Variants in CYP26C1 observed in about 807,000 individuals in gnomAD.
CYP26C1 encodes the protein cytochrome P450 family 26 subfamily C member 1, also known as cytochrome P450 26C1.
A neutral mutation model predicts 39.1 loss-of-function variants in CYP26C1; 41 were observed. The ratio of observed to expected loss-of-function variants is 1.05; its 90% CI spans 0.82 to 1.36. The LOEUF (loss-of-function observed/expected upper bound fraction) is 1.36, where lower values mean the gene tolerates loss of function less well. Ranked by LOEUF, CYP26C1 falls within the 40% of genes most tolerant of loss-of-function variation. CYP26C1 has a pLI of 0.00. For synonymous variants in CYP26C1, 362 were observed against 350.8 expected, an observed-to-expected ratio of 1.03 and a Z score of -0.36; for missense variants, 833 against 752.0, an observed-to-expected ratio of 1.11 and a Z score of -1.26.
chr10:93,066,265 C>G lies in CYP26C1; in HGVS notation c.1171C>G (p.Leu391Val). The part of the protein sequence containing the change: ...PPVSGGYRTA[L>V]RTFELDGYQI... ...AGTGTCCGGGGGCTACCGCACCGCC[C>G]TGCGCACCTTCGAGCTCGACGTAAG... is the stretch of plus-strand genomic sequence containing the variant. Residue 391 changes from leucine to valine, a missense_variant, in exon 5 of 6, where the codon CTG becomes GTG. Coordinates refer to ENST00000651965, the MANE Select transcript of CYP26C1 (RefSeq NM_183374.3). 1 of 1,434,644 alleles carries G rather than the reference C, an allele frequency of 7.0e-7. No homozygotes were observed. 88.9% of individuals were successfully genotyped at this position (1,434,644 alleles called of 1,614,324 possible). A position where few individuals can be genotyped will look rare whatever the true frequency, so the allele number is the denominator to read the frequency against.
chr10:93,064,033 A>C (rs1846784066), intron 3 of CYP26C1: 2 of 1,082,228 alleles, frequency 1.8e-6, no homozygotes, highest in Non-Finnish European at 2.2e-6. Context: ...CAATGGGCTG[A>C]CCCTAGCCGC....
chr10:93,067,892 G>T (rs1846846694), intron 5 of CYP26C1, among the ~76,000 whole-genome samples: 1 of 152,196 alleles, frequency 6.6e-6, no homozygotes, highest in Non-Finnish European at 1.5e-5. Flanking sequence ...TCGAGGAATT[G>T]TCATGTGCAT....
Position 93,066,251 on chromosome 10 carries a change from GC to G in CYP26C1, c.1158del (p.Tyr387ThrfsTer21). The G allele has an allele frequency of 6.8e-7, 1 of 1,463,822 alleles. No homozygotes were observed. The highest frequency in any genetic ancestry group is 2.7e-5 in the East Asian group (1 of 36,542). 90.7% of individuals were successfully genotyped at this position (1,463,822 alleles called of 1,614,324 possible). A position where few individuals can be genotyped will look rare whatever the true frequency, so the allele number is the denominator to read the frequency against. ...CGCCTCCTGCCGCCAGTGTCCGGGG[GC>G]TACCGCACCGCCCTGCGCACCTTCG... ...VLRLLPPVSGGYRTALRTFEL... is the reference protein window; with the variant it reads ...VLRLLPPVSGXYRTALRTFEL... On this transcript the variant is annotated frameshift_variant, in exon 5 of 6. Coordinates refer to ENST00000651965, the MANE Select transcript of CYP26C1 (RefSeq NM_183374.3). LOFTEE classifies it high-confidence loss of function.
chr10:93,062,744 G>T lies in CYP26C1; in HGVS notation c.454G>T (p.Ala152Ser), dbSNP rs897972328. The change falls in exon 3 of 6, where the codon GCC (alanine) becomes TCC (serine). Residue 152 changes from alanine to serine, a missense_variant. Coordinates refer to ENST00000651965, the MANE Select transcript of CYP26C1 (RefSeq NM_183374.3). ...RKVLARVFSR[A>S]ALERYVPRLQ... Reference sequence around the variant, plus strand: ...GGTCCTGGCGCGCGTGTTCAGCCGCGCCGCGCTGGAGCGCTACGTGCCGCG... The same window carrying T: ...GGTCCTGGCGCGCGTGTTCAGCCGCTCCGCGCTGGAGCGCTACGTGCCGCG... The T allele has an allele frequency of 9.0e-6, 13 of 1,444,568 alleles. No homozygotes were observed. The highest frequency in any genetic ancestry group is 2.5e-4 in the Middle Eastern group (1 of 4,028). 89.5% of individuals were successfully genotyped at this position (1,444,568 alleles called of 1,614,324 possible).
At chr10:93,066,316 C>G (rs1051490251) in intron 5 of CYP26C1, 31 bp downstream of exon 5, 6 of 1,262,830 alleles carry the variant, frequency 4.8e-6, no homozygotes, top group Non-Finnish European at 6.0e-6. Flanking sequence ...CATGGCCAGC[C>G]TCCTGCCTCC....
intron 1 of CYP26C1, 120 bp from the exon 2 acceptor site, chr10:93,061,890 G>C: frequency 9.8e-7 from 1 of 1,021,322 alleles, no homozygotes; most frequent in South Asian, 1.6e-5. Flanking sequence ...TGGGGATCTT[G>C]TTTTGTAAAC....
Position 93,061,991 on chromosome 10 carries a change from C to A in CYP26C1, c.205-19C>A, listed in dbSNP as rs1590134872. 1.9e-6 allele frequency: 3 copies of A among 1,549,650 alleles called. No homozygotes were observed. Among genetic ancestry groups the A allele is most frequent in the Non-Finnish European group, 2.6e-6 (3 of 1,146,262 alleles). On this transcript the variant is annotated intron_variant, in intron 1 of 5. Coordinates refer to ENST00000651965, the MANE Select transcript of CYP26C1 (RefSeq NM_183374.3). The stretch of plus-strand genomic sequence containing the variant: ...CAGGCCCAGAAGTTCCAGCTCTCCA[C>A]CCTCCGCCTCGCCCGCAGGGCTCGC...
rs768328755 is a variant in CYP26C1 at position 93,064,408 on chromosome 10, C to T, written c.733C>T (p.Arg245Trp). ...CATCCGGGCAAGGGACCAGCTGCAT[C>T]GGCACCTGGAGGGGGCCATTTCTGA... ...KGIRARDQLH[R>W]HLEGAISEKL... The change falls in exon 4 of 6, where the codon CGG (arginine) becomes TGG (tryptophan). Residue 245 changes from arginine (R) to tryptophan (W), a missense_variant. Transcript: ENST00000651965. 14 of 1,613,830 alleles carry T rather than the reference C, an allele frequency of 8.7e-6. No individual in the cohort carries two copies. The East Asian group carries it at 1.3e-4, about 15-fold the overall frequency.
chr10:93,065,070 C>A (rs575533888), intron 4 of CYP26C1, among the ~76,000 whole-genome samples: 1 of 152,290 alleles, frequency 6.6e-6, no homozygotes, highest in South Asian at 2.1e-4. Context: ...TCCCCTTGTA[C>A]ACACATCGCA....
intron 5 of CYP26C1, 48 bp from the exon 6 acceptor site, chr10:93,068,272 C>G: frequency 1.4e-6 from 2 of 1,480,890 alleles, no homozygotes; most frequent in Non-Finnish European, 9.0e-7. Context: ...AGGGCCCCCC[C>G]GTTTCCAGGT....
chr10:93,064,297 T>A (rs1204873555), intron 3 of CYP26C1, 84 bp from the exon 4 acceptor site: 2 of 1,497,590 alleles, frequency 1.3e-6, no homozygotes, highest in African/African-American at 2.8e-5. Context: ...GCAGAGCCAG[T>A]GCTGAGAAGG....
In CYP26C1 at chr10:93,068,634, C is replaced by A. The variant is rs1846859424; in HGVS notation, c.1506C>A (p.Asp502Glu). The change falls in exon 6 of 6, where the codon GAC becomes GAA. Residue 502 changes from aspartate to glutamate, a missense_variant. By Grantham distance (45) the Asp-to-Glu change is conservative. Coordinates refer to ENST00000651965, the MANE Select transcript of CYP26C1 (RefSeq NM_183374.3). ...MQTVPIVHPV[D>E]GLRLFFHPLT... ...CGGTGCCCATCGTGCACCCAGTGGA[C>A]GGGCTGCGGCTCTTTTTCCACCCCC... 5 of 1,597,878 alleles carry A rather than the reference C, an allele frequency of 3.1e-6. No individual in the cohort carries two copies. The highest frequency in any genetic ancestry group is 3.4e-6 in the Non-Finnish European group (4 of 1,172,448).
Position 93,062,856 on chromosome 10 carries a change from C to G in CYP26C1, c.566C>G (p.Thr189Ser). ...GTCTACGACGCCTCCAAAGCGCTCACCTTCCGCATGGCCGCGCGCATCCTG... is the reference window on the plus strand; with the variant it reads ...GTCTACGACGCCTCCAAAGCGCTCAGCTTCCGCATGGCCGCGCGCATCCTG... The part of the protein sequence containing the change: ...VSVYDASKAL[T>S]FRMAARILLG... The change falls in exon 3 of 6, where the codon ACC becomes AGC. Residue 189 changes from threonine to serine, a missense_variant. Thr to Ser is a moderately conservative substitution (Grantham distance 58). Transcript: ENST00000651965. 6.2e-7 allele frequency: 1 copy of G among 1,600,556 alleles called. No homozygotes were observed. The highest frequency in any genetic ancestry group is 1.7e-4 in the Middle Eastern group (1 of 5,894).
At chr10:93,064,240 T>C in intron 3 of CYP26C1, 141 bp from the exon 4 acceptor site, 1 of 1,439,204 alleles carries the variant, frequency 6.9e-7, no homozygotes, top group Non-Finnish European at 9.1e-7. Flanking sequence ...CCCAGCCATA[T>C]GCCAGGCCAG....
intron 5 of CYP26C1, among the ~76,000 whole-genome samples, chr10:93,068,003 T>C (rs930490815): frequency 6.6e-6 from 1 of 152,146 alleles, no homozygotes; most frequent in African/African-American, 2.4e-5. Context: ...ACATAACTAA[T>C]AGTTACCGTT....
At chr10:93,062,591 G>A in intron 2 of CYP26C1, 129 bp from the exon 3 acceptor site, 3 of 843,434 alleles carry the variant, frequency 3.6e-6, no homozygotes, top group South Asian at 2.2e-5. Context: ...GAAAGCAAAA[G>A]CCAGGAAGTT....
At chr10:93,063,201 C>T (rs779700102) in intron 3 of CYP26C1, 2 of 1,301,828 alleles carry the variant, frequency 1.5e-6, no homozygotes, top group Non-Finnish European at 9.7e-7. Flanking sequence ...CTGGTGTGAC[C>T]TGGGGCTGGC....
At position 93,062,915 on chromosome 10, in the gene CYP26C1, A is replaced by T. The variant is rs1159105755; in HGVS notation, c.625A>T (p.Thr209Ser). 7 of 1,605,790 alleles carry T rather than the reference A, an allele frequency of 4.4e-6. No homozygotes were observed. The highest frequency in any genetic ancestry group is 5.9e-6 in the Non-Finnish European group (7 of 1,178,852). ...GLRLDEAQCA[T>S]LARTFEQLVE... ...GCGGCTGGACGAGGCGCAGTGCGCC[A>T]CGCTGGCCCGGACCTTCGAGCAGCT... The change falls in exon 3 of 6, where the codon ACG becomes TCG. Residue 209 changes from threonine (T) to serine (S), a missense_variant. Transcript: ENST00000651965.
intron 3 of CYP26C1, 97 bp from the exon 4 acceptor site, chr10:93,064,284 T>C (rs1846789180): frequency 6.8e-7 from 1 of 1,471,742 alleles, no homozygotes; most frequent in African/African-American, 1.4e-5. Flanking sequence ...CACAAGGATG[T>C]TGGCAGAGCC....
Sources: gnomAD v4.1 joint callset for allele counts (sites outside exome capture counted in the v4.1 genomes callset) on GRCh38, gnomAD v4.1.1 for gene constraint, MANE v1.5 for transcripts, NCBI Gene and HGNC (gene_info 2026-07-23, HGNC 2026-07-21) for gene names.